The following RBM28 variants were observed in gnomAD, a reference collection of about 807,000 sequenced individuals.
RBM28 encodes RNA-binding protein 28.
RBM28 carries 78 observed loss-of-function variants against 98.3 expected under a neutral mutation model. That is an observed-to-expected ratio of 0.79 (90% CI 0.66 to 0.96). The LOEUF is 0.96. RBM28 is among the 40% of genes least tolerant of loss of function. The pLI is 0.00. For missense variants in RBM28, 838 were observed against 913.0 expected (o/e 0.92, Z 1.06); for synonymous variants, 306 against 330.9 (o/e 0.92, Z 0.82).
chr7:128,335,673 G>A lies in RBM28; in HGVS notation c.816C>T (p.Val272=). ...TKPVQIQKRA[V]KRPAPAKSSD... ...TGCTTTTTGCAGGGGCTGGTCTCTT[G>A]ACTGCTCTGCAATGGCACAGATCAG... The change falls in exon 8 of 19, where the codon GTC becomes GTT. Residue 272 remains valine, a synonymous_variant. Transcript: ENST00000223073. 6.2e-7 allele frequency: 1 copy of A among 1,614,156 alleles called. No homozygotes were observed. The highest frequency in any genetic ancestry group is 8.5e-7 in the Non-Finnish European group (1 of 1,180,026).
rs1352342970 is a variant in RBM28 at position 128,304,339 on chromosome 7, C to T, written c.*6458G>A. 1 of 152,156 alleles carries T rather than the reference C, an allele frequency of 6.6e-6. No homozygotes were observed. Among genetic ancestry groups the T allele is most frequent in the Non-Finnish European group, 1.5e-5 (1 of 68,030 alleles). 9.4% of individuals were successfully genotyped at this position (152,156 alleles called of 1,614,324 possible). The stretch of plus-strand genomic sequence containing the variant: ...AAATGTTTGTTACTATCTGATTCAA[C>T]AAAGCAGTCACTCATTTCATGGAAT... On this transcript the variant is annotated 3_prime_UTR_variant, in exon 19 of 19. Transcript: ENST00000223073.
At chr7:128,325,729 A>C in intron 11 of RBM28, 89 bp downstream of exon 11, 1 of 905,482 alleles carries the variant, frequency 1.1e-6, no homozygotes, top group Non-Finnish European at 1.8e-6. Context: ...CAAGAAAAAT[A>C]ATAATAAAGC....
At position 128,300,569 on chromosome 7, in the gene RBM28, G is replaced by A. The variant is rs1450285107; in HGVS notation, c.*10228C>T. On this transcript the variant is annotated 3_prime_UTR_variant, in exon 19 of 19. Coordinates refer to ENST00000223073, the MANE Select transcript of RBM28 (RefSeq NM_018077.3). ...AGCATGCTAACATCATCCAACCCCT[G>A]ACCTTGTGGTGAGGATCAAAGACGT... The A allele has an allele frequency of 6.6e-6, 1 of 152,232 alleles. No homozygotes were observed. Among genetic ancestry groups the A allele is most frequent in the Non-Finnish European group, 1.5e-5 (1 of 68,070 alleles). The allele number at this position is 152,232 out of a possible 1,614,324, so 9.4% of individuals were successfully genotyped here.
Position 128,306,055 on chromosome 7 carries a change from C to T in RBM28, c.*4742G>A, listed in dbSNP as rs17151983. 0.068 allele frequency: 10,356 copies of T among 152,240 alleles called. 402 individuals carry two copies. Among genetic ancestry groups the T allele is most frequent in the African/African-American group, 0.092 (3,816 of 41,534 alleles). The allele number at this position is 152,240 out of a possible 1,614,324, so 9.4% of individuals were successfully genotyped here. ...CTATGGGAGCTAGTTCTTATAGTGG[C>T]TCATGATCTACTTGGGAAGGCAAGA... is the stretch of plus-strand genomic sequence containing the variant. On this transcript the variant is annotated 3_prime_UTR_variant, in exon 19 of 19. Coordinates refer to ENST00000223073, the MANE Select transcript of RBM28 (RefSeq NM_018077.3).
rs543832898 is a variant in RBM28, at chr7:128,302,713, ATTAG to A, written c.*8080_*8083del. ...AAAACAACTACAAAAATATGTAATG[ATTAG>A]TTAGTCCAGGGGTAGCAGGAAAAGA... On this transcript the variant is annotated 3_prime_UTR_variant, in exon 19 of 19. Coordinates refer to ENST00000223073, the MANE Select transcript of RBM28 (RefSeq NM_018077.3). 60 of 152,360 alleles carry A rather than the reference ATTAG, an allele frequency of 3.9e-4. No individual in the cohort carries two copies. The highest frequency in any genetic ancestry group is 1.4e-3 in the African/African-American group (59 of 41,574). The allele number at this position is 152,360 out of a possible 1,614,324, so 9.4% of individuals were successfully genotyped here.
At chr7:128,311,393 A>C (rs1795981711) in intron 18 of RBM28, among the ~76,000 whole-genome samples, 1 of 152,172 alleles carries the variant, frequency 6.6e-6, no homozygotes, top group South Asian at 2.1e-4. Context: ...TTTTACCCTT[A>C]AAGGAAAGAG....
At chr7:128,341,604 T>C (rs988644512) in intron 1 of RBM28, among the ~76,000 whole-genome samples, 11 of 152,186 alleles carry the variant, frequency 7.2e-5, no homozygotes, top group Admixed American at 2.0e-4. Flanking sequence ...GATAGGAAAG[T>C]GCATAGTTTT....
Position 128,323,586 on chromosome 7 carries a change from G to A in RBM28, c.1345C>T (p.Arg449Cys). 1 of 1,614,172 alleles carries A rather than the reference G, an allele frequency of 6.2e-7. No individual in the cohort carries two copies. Among genetic ancestry groups the A allele is most frequent in the Non-Finnish European group, 8.5e-7 (1 of 1,180,026 alleles). Residue 449 changes from arginine to cysteine, a missense_variant, in exon 13 of 19, where the codon CGT (arginine) becomes TGT (cysteine). Coordinates refer to ENST00000223073, the MANE Select transcript of RBM28 (RefSeq NM_018077.3). Reference sequence around the variant, plus strand: ...CCCTCTGCAGCCTTCGTCCCAGCACGAATCACTGCAGAAAGAGGGAAAAAG... The same window carrying A: ...CCCTCTGCAGCCTTCGTCCCAGCACAAATCACTGCAGAAAGAGGGAAAAAG... ...NLYLAREGLI[R>C]AGTKAAEGVS...
At chr7:128,342,283 AG>A (rs753873677) in intron 1 of RBM28, among the ~76,000 whole-genome samples, 88 of 152,354 alleles carry the variant, frequency 5.8e-4, no homozygotes, top group Middle Eastern at 3.4e-3. Flanking sequence ...TAAGTACATA[AG>A]CTTTTGTCCT....
At chr7:128,322,562 T>C (rs1294332559) in intron 13 of RBM28, among the ~76,000 whole-genome samples, 1 of 152,222 alleles carries the variant, frequency 6.6e-6, no homozygotes, top group Non-Finnish European at 1.5e-5. Context: ...CAACAGACTA[T>C]TTTTCTGTCA....
intron 7 of RBM28, 26 bp downstream of exon 7, chr7:128,335,821 G>A (rs773354982): frequency 5.6e-6 from 9 of 1,614,014 alleles, no homozygotes; most frequent in East Asian, 2.2e-5. Flanking sequence ...TTCCTCTGCT[G>A]TCTCAGAACA....
At chr7:128,329,082 C>T (rs1286404650) in intron 10 of RBM28, among the ~76,000 whole-genome samples, 2 of 152,034 alleles carry the variant, frequency 1.3e-5, no homozygotes, top group East Asian at 3.9e-4. Context: ...GGATTTCAGG[C>T]ACACACCAGG....
intron 4 of RBM28, 74 bp from the exon 5 acceptor site, chr7:128,338,416 C>T: frequency 7.9e-7 from 1 of 1,260,738 alleles, no homozygotes; most frequent in Non-Finnish European, 1.2e-6. Context: ...TAAATTACTG[C>T]AATTCAGGCC....
chr7:128,329,757 T>C lies in RBM28; in HGVS notation c.1129+1062A>G, dbSNP rs369850109. On this transcript the variant is annotated intron_variant, in intron 10 of 18. Coordinates refer to ENST00000223073, the MANE Select transcript of RBM28 (RefSeq NM_018077.3). ...ACACAAAATTAGCCGGGTGCAGTGG[T>C]GGGCACCTGTAGTCCCAGCTACTCA... 2.4e-4 allele frequency among the ~76,000 whole-genome samples: 37 copies of C among 151,872 alleles called. No homozygotes were observed. In the East Asian group the frequency reaches 5.6e-3, roughly 23 times the overall value.
chr7:128,327,772 T>A (rs953425312), intron 10 of RBM28, among the ~76,000 whole-genome samples: 2 of 152,330 alleles, frequency 1.3e-5, no homozygotes, highest in East Asian at 3.9e-4. Flanking sequence ...AGTGCTGGGA[T>A]TACAGGTGTG....
chr7:128,318,690 G>T (rs1796158516), intron 14 of RBM28, among the ~76,000 whole-genome samples: 1 of 152,016 alleles, frequency 6.6e-6, no homozygotes. Flanking sequence ...ACTTCCTAAA[G>T]AAAATTTATA....
At position 128,308,240 on chromosome 7, in the gene RBM28, A is replaced by C. The variant is rs950527879; in HGVS notation, c.*2557T>G. ...CCAAGCAAGTGAATGAGGTTTTAACATACTGTTAAGTTGTTAAAAGAAATA... is the reference window on the plus strand; with the variant it reads ...CCAAGCAAGTGAATGAGGTTTTAACCTACTGTTAAGTTGTTAAAAGAAATA... On this transcript the variant is annotated 3_prime_UTR_variant, in exon 19 of 19. Transcript: ENST00000223073. 1.3e-5 allele frequency: 2 copies of C among 152,268 alleles called. No individual in the cohort carries two copies. The highest frequency in any genetic ancestry group is 4.8e-5 in the African/African-American group (2 of 41,472). The allele number at this position is 152,268 out of a possible 1,614,324, so 9.4% of individuals were successfully genotyped here. A position where few individuals can be genotyped will look rare whatever the true frequency, so the allele number is the denominator to read the frequency against.
chr7:128,331,709 G>A (rs1010760235), intron 9 of RBM28, among the ~76,000 whole-genome samples: 1 of 151,372 alleles, frequency 6.6e-6, no homozygotes, highest in Non-Finnish European at 1.5e-5. Flanking sequence ...CTCTCGATGG[G>A]ATTAAAAAAA....
chr7:128,301,574 G>A lies in RBM28; in HGVS notation c.*9223C>T, dbSNP rs1795782338. On this transcript the variant is annotated 3_prime_UTR_variant, in exon 19 of 19. Coordinates refer to ENST00000223073, the MANE Select transcript of RBM28 (RefSeq NM_018077.3). ...TGCTTTTGTCTCTAGCCTTCCTAGA[G>A]TAGCTCAGATCAGTTCACACCCCTC... The A allele has an allele frequency of 6.6e-6, 1 of 152,386 alleles. No homozygotes were observed. Among genetic ancestry groups the A allele is most frequent in the Admixed American group, 6.5e-5 (1 of 15,288 alleles). 9.4% of individuals were successfully genotyped at this position (152,386 alleles called of 1,614,324 possible).
Sources: gnomAD v4.1 joint callset for allele counts (sites outside exome capture counted in the v4.1 genomes callset) on GRCh38, gnomAD v4.1.1 for gene constraint, MANE v1.5 for transcripts, NCBI Gene and HGNC (gene_info 2026-07-23, HGNC 2026-07-21) for gene names.